STK10: variants seen among roughly 807,000 people sequenced by gnomAD.
The protein encoded by STK10 is serine/threonine kinase 10.
In STK10, 78 loss-of-function variants were observed where a neutral mutation model predicts 113.8. The ratio of observed to expected loss-of-function variants is 0.69; its 90% CI spans 0.57 to 0.83. The LOEUF is 0.83. Among genes scored for constraint, STK10 ranks in the 40% least tolerant of loss-of-function variants. The pLI is 0.00. For missense variants in STK10, 1,109 were observed against 1,280.1 expected (o/e 0.87, Z 2.04); for synonymous variants, 465 against 494.7 (o/e 0.94, Z 0.80).
intron 4 of STK10, among the ~76,000 whole-genome samples, chr5:172,109,003 T>C (rs143599550): frequency 2.7e-4 from 41 of 152,140 alleles, no homozygotes; most frequent in African/African-American, 9.4e-4. Context: ...CAGGCTTGTC[T>C]TGAACTCCTA....
chr5:172,085,579 C>T (rs1768534843), intron 10 of STK10, among the ~76,000 whole-genome samples: 1 of 151,028 alleles, frequency 6.6e-6, no homozygotes, highest in African/African-American at 2.4e-5. Context: ...ATCCCAGCTA[C>T]TTGGGAGGCT....
intron 1 of STK10, among the ~76,000 whole-genome samples, chr5:172,168,946 C>T (rs1770617823): frequency 6.6e-6 from 1 of 152,172 alleles, no homozygotes. Context: ...CAGGAGCTCC[C>T]TGGCCCAGCA....
chr5:172,182,743 G>C (rs1282828547), intron 1 of STK10, among the ~76,000 whole-genome samples: 1 of 150,898 alleles, frequency 6.6e-6, no homozygotes, highest in African/African-American at 2.4e-5. Flanking sequence ...CCGTAGAGAC[G>C]GGGTTTCACC....
intron 2 of STK10, among the ~76,000 whole-genome samples, chr5:172,150,136 A>G (rs1770187624): frequency 6.6e-6 from 1 of 151,110 alleles, no homozygotes; most frequent in Admixed American, 6.6e-5. Context: ...ACAGAGGCCC[A>G]GGAAAGGAAG....
chr5:172,075,709 A>C (rs1011840602), intron 12 of STK10, among the ~76,000 whole-genome samples: 2 of 152,196 alleles, frequency 1.3e-5, no homozygotes, highest in African/African-American at 4.8e-5. Context: ...AAATAAAATA[A>C]ATACATATGG....
At chr5:172,081,905 G>C (rs1043154247) in intron 12 of STK10, among the ~76,000 whole-genome samples, 1 of 152,130 alleles carries the variant, frequency 6.6e-6, no homozygotes, top group Non-Finnish European at 1.5e-5. Flanking sequence ...TTCCAACATG[G>C]GGAGGAGGAG....
intron 1 of STK10, among the ~76,000 whole-genome samples, chr5:172,164,645 C>G (rs945384081): frequency 6.6e-6 from 1 of 152,096 alleles, no homozygotes; most frequent in African/African-American, 2.4e-5. Flanking sequence ...AGTCTCCCCC[C>G]TATATGGGGG....
intron 15 of STK10, among the ~76,000 whole-genome samples, chr5:172,056,012 A>G (rs1458976816): frequency 6.6e-6 from 1 of 152,238 alleles, no homozygotes; most frequent in Non-Finnish European, 1.5e-5. Flanking sequence ...CTTTTCATCT[A>G]ATCAATGATG....
chr5:172,115,402 G>A (rs368601314), intron 4 of STK10, among the ~76,000 whole-genome samples: 25 of 152,294 alleles, frequency 1.6e-4, no homozygotes, highest in East Asian at 1.5e-3. Flanking sequence ...GGTTGGTCTG[G>A]GAGCCGAACC....
chr5:172,125,046 A>G (rs77768856), intron 3 of STK10, among the ~76,000 whole-genome samples: 11,502 of 152,218 alleles, frequency 0.076, 482 homozygotes, highest in East Asian at 0.11. Flanking sequence ...ACTCCCTGAA[A>G]GTGTATTATC....
At chr5:172,090,124 C>T in intron 10 of STK10, 108 bp downstream of exon 10, 1 of 1,481,566 alleles carries the variant, frequency 6.7e-7, no homozygotes, top group Non-Finnish European at 9.1e-7. Flanking sequence ...CCTTGATTCC[C>T]CCACTTCATG....
intron 12 of STK10, among the ~76,000 whole-genome samples, chr5:172,081,000 T>C (rs1768415465): frequency 6.6e-6 from 1 of 152,214 alleles, no homozygotes; most frequent in African/African-American, 2.4e-5. Context: ...TTCATGCTGA[T>C]GGTGACTTGA....
At chr5:172,045,240 A>T (rs1399770563) in intron 18 of STK10, among the ~76,000 whole-genome samples, 2 of 152,078 alleles carry the variant, frequency 1.3e-5, no homozygotes, top group Non-Finnish European at 2.9e-5. Context: ...CTCCCTGTGG[A>T]CTGAAGGGTA....
At chr5:172,080,350 C>T (rs928263122) in intron 12 of STK10, among the ~76,000 whole-genome samples, 2 of 152,104 alleles carry the variant, frequency 1.3e-5, no homozygotes, top group South Asian at 2.1e-4. Context: ...TAAGTGTTCA[C>T]GTGAAAGCAG....
At chr5:172,071,107 G>A (rs1768168453) in intron 12 of STK10, among the ~76,000 whole-genome samples, 1 of 150,502 alleles carries the variant, frequency 6.6e-6, no homozygotes, top group Admixed American at 6.7e-5. Context: ...CTACTCAGGA[G>A]GCTGAGCAGG....
chr5:172,108,160 C>T (rs76809498), intron 4 of STK10: 3,777 of 233,304 alleles, frequency 0.016, 141 homozygotes, highest in African/African-American at 0.079. Context: ...AGGACTCTGC[C>T]CTAATGAAAC....
At chr5:172,056,731 A>G (rs1173507750) in intron 15 of STK10, among the ~76,000 whole-genome samples, 2 of 151,018 alleles carry the variant, frequency 1.3e-5, no homozygotes, top group Non-Finnish European at 3.0e-5. Flanking sequence ...AAAATTAGCC[A>G]GGCATGGTGG....
At chr5:172,178,576 T>C (rs372905536) in intron 1 of STK10, among the ~76,000 whole-genome samples, 11 of 152,116 alleles carry the variant, frequency 7.2e-5, no homozygotes, top group Admixed American at 3.9e-4. Context: ...CTCAGGCAAT[T>C]CTCACAATAG....
At chr5:172,134,143 C>T (rs566627355) in intron 2 of STK10, among the ~76,000 whole-genome samples, 1 of 152,310 alleles carries the variant, frequency 6.6e-6, no homozygotes, top group South Asian at 2.1e-4. Context: ...ATCTGTCCTC[C>T]CCTTAACAAA....
Sources: allele counts gnomAD v4.1 joint callset (sites outside exome capture counted in the v4.1 genomes callset), GRCh38; gene constraint gnomAD v4.1.1; transcripts MANE v1.5; gene names NCBI Gene and HGNC (gene_info 2026-07-23, HGNC 2026-07-21).